The following SAMD4A variants were observed in gnomAD, a reference collection of about 807,000 sequenced individuals.
SAMD4A encodes the protein sterile alpha motif domain containing 4A.
A neutral mutation model predicts 81.3 loss-of-function variants in SAMD4A; 33 were observed. The ratio of observed to expected loss-of-function variants is 0.41; its 90% CI spans 0.31 to 0.54. The LOEUF is 0.54. Ranked by LOEUF, SAMD4A falls within the 20% of genes least tolerant of loss-of-function variation. SAMD4A has a pLI of 0.37. For missense variants in SAMD4A, 854 were observed against 951.1 expected, an observed-to-expected ratio of 0.90 and a Z score of 1.34; for synonymous variants, 389 against 382.1, an observed-to-expected ratio of 1.02 and a Z score of -0.21.
intron 2 of SAMD4A, among the ~76,000 whole-genome samples, chr14:54,583,125 G>T (rs2033518146): frequency 6.6e-6 from 1 of 151,976 alleles, no homozygotes; most frequent in Admixed American, 6.6e-5. Context: ...TTGTATTTTA[G>T]TAGAGACGGG....
rs1248209862 is a variant in SAMD4A at position 54,790,859 on chromosome 14, A to G, written c.*1915A>G. The G allele has an allele frequency of 6.6e-6, 1 of 152,132 alleles. No homozygotes were observed. The highest frequency in any genetic ancestry group is 1.5e-5 in the Non-Finnish European group (1 of 68,012). The allele number at this position is 152,132 out of a possible 1,614,324, so 9.4% of individuals were successfully genotyped here. On this transcript the variant is annotated 3_prime_UTR_variant, in exon 13 of 13. Transcript: ENST00000554335. ...AAGATCAAAAACATGCACCCAACCCAGCCTTGGATGCCACCACCAGGTTTT... is the reference window on the plus strand; with the variant it reads ...AAGATCAAAAACATGCACCCAACCCGGCCTTGGATGCCACCACCAGGTTTT...
Position 54,671,182 on chromosome 14 carries a change from G to T in SAMD4A, c.197-30880G>T, listed in dbSNP as rs181970125. ...GATCACTGAAGGGCTCTGGAACTTG[G>T]AAGGAAAAAGTAATTTTAGCTGGAG... On this transcript the variant is annotated intron_variant, in intron 2 of 12. Coordinates refer to ENST00000554335, the MANE Select transcript of SAMD4A (RefSeq NM_015589.6). Among the ~76,000 whole-genome samples, 7 of 152,338 alleles carry T rather than the reference G, an allele frequency of 4.6e-5. No homozygotes were observed. In the East Asian group the frequency reaches 1.3e-3, roughly 29 times the overall value.
chr14:54,659,106 T>C (rs758973911), intron 2 of SAMD4A, among the ~76,000 whole-genome samples: 3 of 152,200 alleles, frequency 2.0e-5, no homozygotes, highest in Non-Finnish European at 2.9e-5. Flanking sequence ...CTATATCCTG[T>C]TTCTGACTGC....
At chr14:54,594,189 A>G (rs981102025) in intron 2 of SAMD4A, among the ~76,000 whole-genome samples, 1 of 152,212 alleles carries the variant, frequency 6.6e-6, no homozygotes, top group African/African-American at 2.4e-5. Flanking sequence ...CACTGTTAAC[A>G]GCTCTGTTTA....
intron 3 of SAMD4A, among the ~76,000 whole-genome samples, chr14:54,724,007 T>TGGAAGGAAGGAAGGAAGGAAGAAGGAA (rs2037336658): frequency 8.1e-6 from 1 of 124,176 alleles, no homozygotes; most frequent in Non-Finnish European, 1.7e-5. Flanking sequence ...GATGGATGGA[T>TGGAAGGAAGGAAGGAAGGAAGAAGGAA]GGAAGGAAGG....
chr14:54,678,433 T>TGTGTGTGTGTGTGTG (rs2036040355), intron 2 of SAMD4A, among the ~76,000 whole-genome samples: 9 of 81,278 alleles, frequency 1.1e-4, no homozygotes, highest in African/African-American at 1.8e-4. Context: ...CAGTCACCAT[T>TGTGTGTGTGTGTGTG]TGTGTGTGTG....
chr14:54,756,948 G>GCC (rs1406987782), intron 6 of SAMD4A, among the ~76,000 whole-genome samples: 1 of 152,204 alleles, frequency 6.6e-6, no homozygotes, highest in Non-Finnish European at 1.5e-5. Context: ...CTTTGTAACA[G>GCC]CACGTTAGTT....
chr14:54,597,044 C>G (rs2033927753), intron 2 of SAMD4A, among the ~76,000 whole-genome samples: 2 of 151,232 alleles, frequency 1.3e-5, no homozygotes, highest in Non-Finnish European at 2.9e-5. Flanking sequence ...AAAAAGAAAA[C>G]AAACAAAACA....
intron 2 of SAMD4A, among the ~76,000 whole-genome samples, chr14:54,600,393 T>G (rs1196575617): frequency 1.3e-5 from 2 of 152,222 alleles, no homozygotes; most frequent in Non-Finnish European, 2.9e-5. Flanking sequence ...TATTTATTCC[T>G]AAAACAAATC....
intron 2 of SAMD4A, among the ~76,000 whole-genome samples, chr14:54,649,179 G>C (rs1033413039): frequency 6.6e-6 from 1 of 152,192 alleles, no homozygotes; most frequent in African/African-American, 2.4e-5. Flanking sequence ...TGAGGCTGTC[G>C]AGTAGGATTT....
chr14:54,566,510 G>A (rs1008818602), upstream of SAMD4A, among the ~76,000 whole-genome samples: 1 of 151,766 alleles, frequency 6.6e-6, no homozygotes, highest in Non-Finnish European at 1.5e-5. Flanking sequence ...ATGGGACTGG[G>A]GGAACCCCCG....
intron 2 of SAMD4A, among the ~76,000 whole-genome samples, chr14:54,670,360 G>A (rs1007139262): frequency 6.6e-6 from 1 of 152,138 alleles, no homozygotes; most frequent in Non-Finnish European, 1.5e-5. Context: ...CCAAAACCAC[G>A]AAATCCAGGA....
At chr14:54,709,956 C>T (rs1249933602) in intron 3 of SAMD4A, among the ~76,000 whole-genome samples, 1 of 152,204 alleles carries the variant, frequency 6.6e-6, no homozygotes, top group Non-Finnish European at 1.5e-5. Context: ...CTTTCTGACC[C>T]TTGTCTGTTC....
intron 2 of SAMD4A, among the ~76,000 whole-genome samples, chr14:54,579,540 A>G (rs992626855): frequency 2.0e-5 from 3 of 152,246 alleles, no homozygotes; most frequent in South Asian, 2.1e-4. Flanking sequence ...TCACAGTAAC[A>G]TTGTATATGT....
chr14:54,634,585 T>C (rs2034986159), intron 2 of SAMD4A, among the ~76,000 whole-genome samples: 1 of 152,070 alleles, frequency 6.6e-6, no homozygotes, highest in Non-Finnish European at 1.5e-5. Flanking sequence ...ACCATGCTGC[T>C]TTGACAGGAG....
intron 2 of SAMD4A, among the ~76,000 whole-genome samples, chr14:54,671,920 G>A (rs2035889079): frequency 6.6e-6 from 1 of 152,014 alleles, no homozygotes; most frequent in South Asian, 2.1e-4. Context: ...TTGGGGTGGG[G>A]GCAGGAATGG....
chr14:54,694,611 G>A, intron 2 of SAMD4A: 1 of 985,584 alleles, frequency 1.0e-6, no homozygotes, highest in Non-Finnish European at 1.2e-6. Context: ...ACGTGGAGTT[G>A]TCTGCATACT....
At chr14:54,583,223 G>T (rs143204197) in intron 2 of SAMD4A, among the ~76,000 whole-genome samples, 1 of 152,148 alleles carries the variant, frequency 6.6e-6, no homozygotes, top group Admixed American at 6.5e-5. Flanking sequence ...TCTCCCTCAC[G>T]TAGGGTTGCC....
rs550932550 is a variant in SAMD4A, at chr14:54,706,398, A to C, written c.715+3818A>C. 2.6e-5 allele frequency among the ~76,000 whole-genome samples: 4 copies of C among 151,958 alleles called. No individual in the cohort carries two copies. The South Asian group carries it at 8.3e-4, about 32-fold the overall frequency. ...GGTGGGCAGATCACTTGAGGTCAGG[A>C]GTTCAAGACCAGCCTGGCCAACATG... On this transcript the variant is annotated intron_variant, in intron 3 of 12. Coordinates refer to ENST00000554335, the MANE Select transcript of SAMD4A (RefSeq NM_015589.6).
Sources: gnomAD v4.1 joint callset for allele counts (sites outside exome capture counted in the v4.1 genomes callset) on GRCh38, gnomAD v4.1.1 for gene constraint, MANE v1.5 for transcripts, NCBI Gene and HGNC (gene_info 2026-07-23, HGNC 2026-07-21) for gene names.